UBE2G2: variants seen among roughly 807,000 people sequenced by gnomAD.
UBE2G2 encodes ubiquitin-conjugating enzyme E2 G2.
A neutral mutation model predicts 23.0 loss-of-function variants in UBE2G2; 10 were observed. The observed-to-expected ratio is 0.43, with a 90% confidence interval of 0.27 to 0.74. The LOEUF (loss-of-function observed/expected upper bound fraction) is 0.74. Among genes scored for constraint, UBE2G2 ranks in the 30% least tolerant of loss-of-function variants. The pLI is 0.19. For synonymous variants in UBE2G2, 86 were observed against 81.3 expected, an observed-to-expected ratio of 1.06 and a Z score of -0.31; for missense variants, 150 against 218.3, an observed-to-expected ratio of 0.69 and a Z score of 1.97.
intron 1 of UBE2G2, among the ~76,000 whole-genome samples, chr21:44,793,429 T>A (rs1007025431): frequency 6.6e-6 from 1 of 152,218 alleles, no homozygotes; most frequent in Non-Finnish European, 1.5e-5. Flanking sequence ...CTCCTGGCAA[T>A]GCAGGCTCAG....
intron 3 of UBE2G2, among the ~76,000 whole-genome samples, chr21:44,780,500 G>A (rs1386130262): frequency 5.3e-5 from 8 of 152,206 alleles, no homozygotes; most frequent in African/African-American, 1.7e-4. Flanking sequence ...TTCAAAGCCT[G>A]CAAATTATGC....
At position 44,801,446 on chromosome 21, in the gene UBE2G2, A is replaced by G. The variant is rs923863932; in HGVS notation, c.43+260T>C. On this transcript the variant is annotated intron_variant, in intron 1 of 5. Coordinates refer to ENST00000345496, the MANE Select transcript of UBE2G2 (RefSeq NM_003343.6). ...AAGAGAAAAAAACAAGCCCGCAAAG[A>G]CTCAACTGTGTGTGCTCTCAACTAA... is the stretch of plus-strand genomic sequence containing the variant. 9.0e-6 allele frequency: 11 copies of G among 1,220,260 alleles called. No homozygotes were observed. In the Admixed American group the frequency reaches 3.9e-4, roughly 43 times the overall value. The allele number at this position is 1,220,260 out of a possible 1,614,324, so 75.6% of individuals were successfully genotyped here. A position where few individuals can be genotyped will look rare whatever the true frequency, so the allele number is the denominator to read the frequency against.
At chr21:44,774,816 T>G in intron 4 of UBE2G2, 1 of 431,526 alleles carries the variant, frequency 2.3e-6, no homozygotes, top group South Asian at 1.7e-5. Context: ...TCCCATAGGG[T>G]GACACTGCAT....
At chr21:44,774,662 AG>A (rs1237966489) in intron 4 of UBE2G2, 1 of 454,658 alleles carries the variant, frequency 2.2e-6, no homozygotes, top group African/African-American at 2.0e-5. Flanking sequence ...TCTACTATCC[AG>A]GAACTGAACC....
chr21:44,787,838 G>A (rs576888892), intron 3 of UBE2G2, 82 bp downstream of exon 3: 2 of 1,502,068 alleles, frequency 1.3e-6, no homozygotes, highest in East Asian at 4.5e-5. Flanking sequence ...GATGCTTTTG[G>A]ACACAGTCAC....
At chr21:44,779,897 A>G (rs1306712810) in intron 3 of UBE2G2, among the ~76,000 whole-genome samples, 1 of 152,224 alleles carries the variant, frequency 6.6e-6, no homozygotes, top group Non-Finnish European at 1.5e-5. Context: ...AGTCAGGCAC[A>G]TAAAGATACT....
intron 1 of UBE2G2, among the ~76,000 whole-genome samples, chr21:44,799,683 G>A (rs903165863): frequency 3.3e-5 from 5 of 152,208 alleles, no homozygotes; most frequent in Non-Finnish European, 7.3e-5. Flanking sequence ...CTCCATATCA[G>A]CAGTAAGGCT....
In UBE2G2 at chr21:44,771,530, T is replaced by C; in HGVS notation, c.386-41A>G. ...ACACCCTCCATGTAAAAGGGAGTCT[T>C]ATACGTAAGCAGCCTGGCAAGGTCT... On this transcript the variant is annotated intron_variant, in intron 5 of 5. Coordinates refer to ENST00000345496, the MANE Select transcript of UBE2G2 (RefSeq NM_003343.6). The surrounding 1 kb of genome is among the most constrained non-coding windows in gnomAD (Gnocchi z 4.6). The C allele has an allele frequency of 6.3e-7, 1 of 1,591,308 alleles. No homozygotes were observed.
chr21:44,789,858 T>C (rs1409724873), intron 1 of UBE2G2, among the ~76,000 whole-genome samples: 1 of 152,048 alleles, frequency 6.6e-6, no homozygotes, highest in Non-Finnish European at 1.5e-5. Flanking sequence ...CTCTCATGAA[T>C]GGAGTTAGTG....
chr21:44,773,766 A>G, intron 4 of UBE2G2, 79 bp from the exon 5 acceptor site: 1 of 1,553,524 alleles, frequency 6.4e-7, no homozygotes, highest in Non-Finnish European at 8.7e-7. Flanking sequence ...CTCCACAGAT[A>G]ATGAGAACAA....
chr21:44,797,315 C>T lies in UBE2G2; in HGVS notation c.43+4391G>A, dbSNP rs116791557. Reference sequence around the variant, plus strand: ...CAATAAAAGGGAGAACATATCTTTGCTAATGCAAATATCCTTAGAAAATGC... The same window carrying T: ...CAATAAAAGGGAGAACATATCTTTGTTAATGCAAATATCCTTAGAAAATGC... On this transcript the variant is annotated intron_variant, in intron 1 of 5. Transcript: ENST00000345496. 1.7e-3 allele frequency among the ~76,000 whole-genome samples: 253 copies of T among 152,300 alleles called. 1 individual carries two copies. The highest frequency in any genetic ancestry group is 5.8e-3 in the African/African-American group (241 of 41,564).
intron 3 of UBE2G2, among the ~76,000 whole-genome samples, chr21:44,778,791 A>G (rs2082932986): frequency 6.6e-6 from 1 of 152,208 alleles, no homozygotes; most frequent in Non-Finnish European, 1.5e-5. Context: ...TACGAACTGA[A>G]AGAACAAGTC....
chr21:44,773,837 T>C (rs2082892908), intron 4 of UBE2G2, 150 bp from the exon 5 acceptor site: 14 of 1,086,842 alleles, frequency 1.3e-5, no homozygotes, highest in African/African-American at 3.2e-5. Context: ...GGGCCCTGAG[T>C]GTCACGCTTC....
chr21:44,786,393 G>C (rs1342841987), intron 3 of UBE2G2, among the ~76,000 whole-genome samples: 1 of 152,074 alleles, frequency 6.6e-6, no homozygotes, highest in Non-Finnish European at 1.5e-5. Context: ...ACAGATTCCA[G>C]AAACCTTCAG....
At chr21:44,801,368 T>G (rs950689644) in intron 1 of UBE2G2, 7 of 1,137,384 alleles carry the variant, frequency 6.2e-6, no homozygotes, top group Non-Finnish European at 7.5e-6. Context: ...TCAGGCCTTC[T>G]TCCTCAAGCT....
intron 1 of UBE2G2, chr21:44,801,283 C>T (rs2083134946): frequency 9.9e-7 from 1 of 1,010,614 alleles, no homozygotes. Flanking sequence ...CAAAATCTGA[C>T]CTTTCAAAGC....
chr21:44,793,937 G>A (rs2083065157), intron 1 of UBE2G2, among the ~76,000 whole-genome samples: 1 of 152,118 alleles, frequency 6.6e-6, no homozygotes, highest in Non-Finnish European at 1.5e-5. Context: ...ATATACCAGT[G>A]GGGTACTTTG....
chr21:44,794,468 C>A (rs2083069687), intron 1 of UBE2G2, among the ~76,000 whole-genome samples: 1 of 151,672 alleles, frequency 6.6e-6, no homozygotes, highest in Admixed American at 6.6e-5. Flanking sequence ...AAATATAACA[C>A]AATAGCAAGA....
intron 3 of UBE2G2, among the ~76,000 whole-genome samples, chr21:44,778,507 A>G (rs2082930672): frequency 6.6e-6 from 1 of 152,244 alleles, no homozygotes; most frequent in African/African-American, 2.4e-5. Flanking sequence ...ATAAATTAAC[A>G]CTATCTTGAC....
Sources: allele counts gnomAD v4.1 joint callset (sites outside exome capture counted in the v4.1 genomes callset), GRCh38; gene constraint gnomAD v4.1.1; non-coding constraint Gnocchi (gnomAD v3.1); transcripts MANE v1.5; gene names NCBI Gene and HGNC (gene_info 2026-07-23, HGNC 2026-07-21).